The following CD38 variants were observed in gnomAD, a reference collection of about 807,000 sequenced individuals.
The protein encoded by CD38 is CD38 molecule.
In CD38, 31 loss-of-function variants were observed where a neutral mutation model predicts 36.3. The observed-to-expected ratio is 0.85, with a 90% CI of 0.64 to 1.15. The LOEUF (loss-of-function observed/expected upper bound fraction) is 1.15. Among genes scored for constraint, CD38 ranks in the 50% most tolerant of loss-of-function variants. The pLI is 0.00. For missense variants in CD38, 380 were observed against 371.9 expected (o/e 1.02, Z -0.18); for synonymous variants, 131 against 135.2 (o/e 0.97, Z 0.22).
chr4:15,781,180 T>C (rs1411548145), intron 1 of CD38, among the ~76,000 whole-genome samples: 4 of 152,256 alleles, frequency 2.6e-5, no homozygotes, highest in South Asian at 4.1e-4. Flanking sequence ...ACCTATAAGA[T>C]CATTAGGTAT....
Position 15,784,174 on chromosome 4 carries a change from T to C in CD38, c.233+5527T>C, listed in dbSNP as rs1469671526. Among the ~76,000 whole-genome samples, 4 of 152,226 alleles carry C rather than the reference T, an allele frequency of 2.6e-5. No homozygotes were observed. The East Asian group carries it at 7.7e-4, about 29-fold the overall frequency. ...AGTGCTGCGCTAGATTCTGCAGGGA[T>C]GTAAGAAATGTACCCCTATCAAACA... On this transcript the variant is annotated intron_variant, in intron 1 of 7. Transcript: ENST00000226279.
intron 4 of CD38, among the ~76,000 whole-genome samples, 154 bp downstream of exon 4, chr4:15,834,456 G>A (rs1218209321): frequency 1.3e-5 from 2 of 152,160 alleles, no homozygotes; most frequent in Non-Finnish European, 2.9e-5. Context: ...AGATGCACAT[G>A]CCAGAAAATT....
At position 15,778,848 on chromosome 4, in the gene CD38, G is replaced by A. The variant is rs1722622886; in HGVS notation, c.233+201G>A. Among the ~76,000 whole-genome samples the A allele has an allele frequency of 6.7e-6, 1 of 148,166 alleles. No homozygotes were observed. On this transcript the variant is annotated intron_variant, in intron 1 of 7. Transcript: ENST00000226279. The surrounding 1 kb of genome is among the most constrained non-coding windows in gnomAD (Gnocchi z 4.9). ...GGAGCAGCTGGCCTTGGCACCGAGC[G>A]TGCCCGCGGGAGGCGGGGGGGGGCG...
chr4:15,806,712 G>A (rs1206988038), intron 1 of CD38, among the ~76,000 whole-genome samples: 1 of 152,144 alleles, frequency 6.6e-6, no homozygotes, highest in Non-Finnish European at 1.5e-5. Flanking sequence ...TGAGAGGTCT[G>A]GGATCTATTG....
At chr4:15,830,138 T>C (rs1004180848) in intron 3 of CD38, among the ~76,000 whole-genome samples, 3 of 152,198 alleles carry the variant, frequency 2.0e-5, no homozygotes, top group Non-Finnish European at 4.4e-5. Context: ...ATATAATAGC[T>C]CTATTTTTAT....
intron 1 of CD38, among the ~76,000 whole-genome samples, chr4:15,796,481 A>G (rs1260654394): frequency 6.6e-6 from 1 of 152,164 alleles, no homozygotes; most frequent in African/African-American, 2.4e-5. Flanking sequence ...TTAACATTTT[A>G]AATACACTGA....
At position 15,851,786 on chromosome 4, in the gene CD38, TTGTG is replaced by T. The variant is rs1380028889; in HGVS notation, c.*3187_*3190del. On this transcript the variant is annotated 3_prime_UTR_variant, in exon 8 of 8. Transcript: ENST00000226279. ...AATGCATCATTAGATGATTTTGTCA[TTGTG>T]TGAACATCATAGAGTGTACTTACAC... 4 of 152,184 alleles carry T rather than the reference TTGTG, an allele frequency of 2.6e-5. No individual in the cohort carries two copies. Among genetic ancestry groups the T allele is most frequent in the African/African-American group, 9.7e-5 (4 of 41,436 alleles). The allele number at this position is 152,184 out of a possible 1,614,324, so 9.4% of individuals were successfully genotyped here.
At chr4:15,814,027 A>G (rs1377067772) in intron 1 of CD38, among the ~76,000 whole-genome samples, 1 of 152,190 alleles carries the variant, frequency 6.6e-6, no homozygotes, top group African/African-American at 2.4e-5. Context: ...TCGCCACACT[A>G]TCTTCCACAG....
rs1192548288 is a variant in CD38, at chr4:15,852,370, T to C, written c.*3768T>C. ...GACAGCATCGACATCGACTTACTTC[T>C]TGGTGCCTTATTCCTCCTTAGAACA... On this transcript the variant is annotated 3_prime_UTR_variant, in exon 8 of 8. Transcript: ENST00000226279. 6.6e-6 allele frequency: 1 copy of C among 152,256 alleles called. No homozygotes were observed. The highest frequency in any genetic ancestry group is 1.5e-5 in the Non-Finnish European group (1 of 68,048). The allele number at this position is 152,256 out of a possible 1,614,324, so 9.4% of individuals were successfully genotyped here. A position where few individuals can be genotyped will look rare whatever the true frequency, so the allele number is the denominator to read the frequency against.
At position 15,850,229 on chromosome 4, in the gene CD38, G is replaced by A. The variant is rs1430311987; in HGVS notation, c.*1627G>A. The A allele has an allele frequency of 6.6e-6, 1 of 152,268 alleles. No homozygotes were observed. Among genetic ancestry groups the A allele is most frequent in the Non-Finnish European group, 1.5e-5 (1 of 68,106 alleles). 9.4% of individuals were successfully genotyped at this position (152,268 alleles called of 1,614,324 possible). A position where few individuals can be genotyped will look rare whatever the true frequency, so the allele number is the denominator to read the frequency against. On this transcript the variant is annotated 3_prime_UTR_variant, in exon 8 of 8. Coordinates refer to ENST00000226279, the MANE Select transcript of CD38 (RefSeq NM_001775.4). ...TGGGAGGATTGTTTGAGCTTGGGAGGTTGAGGCTGCAGGGAGCTGTGATCA... is the reference window on the plus strand; with the variant it reads ...TGGGAGGATTGTTTGAGCTTGGGAGATTGAGGCTGCAGGGAGCTGTGATCA...
chr4:15,791,548 C>A (rs1438056896), intron 1 of CD38, among the ~76,000 whole-genome samples: 1 of 45,202 alleles, frequency 2.2e-5, no homozygotes, highest in Non-Finnish European at 4.1e-5. Flanking sequence ...GCCCCCCGCC[C>A]GGCCAGCCGC....
intron 1 of CD38, among the ~76,000 whole-genome samples, chr4:15,797,037 C>T (rs929483976): frequency 3.9e-5 from 6 of 152,036 alleles, no homozygotes; most frequent in South Asian, 2.1e-4. Flanking sequence ...AAAAAATTGT[C>T]GAACTTCTCT....
At chr4:15,796,639 C>T (rs936016172) in intron 1 of CD38, among the ~76,000 whole-genome samples, 9 of 151,922 alleles carry the variant, frequency 5.9e-5, no homozygotes, top group African/African-American at 9.7e-5. Flanking sequence ...CTCTTTCCGC[C>T]GATTTTCTTT....
intron 1 of CD38, among the ~76,000 whole-genome samples, chr4:15,793,682 A>G (rs1047576724): frequency 6.6e-6 from 1 of 152,166 alleles, no homozygotes; most frequent in African/African-American, 2.4e-5. Flanking sequence ...CAGGACAAGG[A>G]CATCAGCCTG....
Position 15,816,552 on chromosome 4 carries a change from C to G in CD38, c.275C>G (p.Ala92Gly), listed in dbSNP as rs747945530. ...AGTGTATGGGATGCTTTCAAGGGTGCATTTATTTCAAAACATCCTTGCAAC... is the reference window on the plus strand; with the variant it reads ...AGTGTATGGGATGCTTTCAAGGGTGGATTTATTTCAAAACATCCTTGCAAC... Reference protein sequence around the residue: ...CQSVWDAFKGAFISKHPCNIT... With the variant: ...CQSVWDAFKGGFISKHPCNIT... The change falls in exon 2 of 8, where the codon GCA becomes GGA. Residue 92 changes from alanine to glycine, a missense_variant. Coordinates refer to ENST00000226279, the MANE Select transcript of CD38 (RefSeq NM_001775.4). 6.2e-7 allele frequency: 1 copy of G among 1,613,030 alleles called. No homozygotes were observed. Among genetic ancestry groups the G allele is most frequent in the Admixed American group, 1.7e-5 (1 of 60,018 alleles).
chr4:15,847,982 C>G (rs572030853), intron 7 of CD38, among the ~76,000 whole-genome samples: 1 of 152,302 alleles, frequency 6.6e-6, no homozygotes, highest in East Asian at 1.9e-4. Context: ...CTCTTCCTTC[C>G]AGAAGCCCAG....
At chr4:15,826,125 A>G (rs1404184412) in intron 3 of CD38, 1 of 152,146 alleles carries the variant, frequency 6.6e-6, no homozygotes, top group Non-Finnish European at 1.5e-5. Flanking sequence ...TTGAAAAAAA[A>G]ATACTTGCAC....
intron 1 of CD38, among the ~76,000 whole-genome samples, chr4:15,790,950 G>A (rs1257998353): frequency 5.5e-5 from 8 of 146,204 alleles, no homozygotes; most frequent in South Asian, 4.5e-4. Context: ...CAACCGCCCC[G>A]TCTGAGAAGT....
Position 15,816,566 on chromosome 4 carries a change from C to T in CD38, c.289C>T (p.His97Tyr). 6.2e-7 allele frequency: 1 copy of T among 1,613,718 alleles called. No homozygotes were observed. Among genetic ancestry groups the T allele is most frequent in the South Asian group, 1.1e-5 (1 of 91,078 alleles). Residue 97 changes from histidine (H) to tyrosine (Y), a missense_variant, in exon 2 of 8, where the codon CAT becomes TAT. Transcript: ENST00000226279. ...DAFKGAFISK[H>Y]PCNITEEDYQ... ...TTTCAAGGGTGCATTTATTTCAAAACATCCTTGCAACATTACTGAAGAAGA... is the reference window on the plus strand; with the variant it reads ...TTTCAAGGGTGCATTTATTTCAAAATATCCTTGCAACATTACTGAAGAAGA...
Sources: gnomAD v4.1 joint callset for allele counts (sites outside exome capture counted in the v4.1 genomes callset) on GRCh38, gnomAD v4.1.1 for gene constraint, Gnocchi (gnomAD v3.1) non-coding constraint, MANE v1.5 for transcripts, NCBI Gene and HGNC (gene_info 2026-07-23, HGNC 2026-07-21) for gene names.